Variants in MSRA observed in about 807,000 individuals in gnomAD.
The protein encoded by MSRA is methionine sulfoxide reductase A, also known as mitochondrial peptide methionine sulfoxide reductase.
In MSRA, 54 loss-of-function variants were observed where a neutral mutation model predicts 31.3. The ratio of observed to expected loss-of-function variants is 1.73; its 90% CI spans 1.39 to 2.17. MSRA has a LOEUF of 2.17. Ranked by LOEUF, MSRA falls within the 30% of genes most tolerant of loss-of-function variation. The pLI is 0.00. For synonymous variants in MSRA, 169 were observed against 116.5 expected, an observed-to-expected ratio of 1.45 and a Z score of -2.90; for missense variants, 507 against 300.9, an observed-to-expected ratio of 1.69 and a Z score of -5.07.
chr8:10,194,872 G>T (rs1241842497), intron 1 of MSRA, among the ~76,000 whole-genome samples: 1 of 152,192 alleles, frequency 6.6e-6, no homozygotes. Flanking sequence ...TGTTCACTGG[G>T]GGAGCAAAGA....
At chr8:10,067,874 GTTTTTTTTTTTTTTT>G (rs71203303) in intron 1 of MSRA, among the ~76,000 whole-genome samples, 3 of 49,368 alleles carry the variant, frequency 6.1e-5, no homozygotes, top group Non-Finnish European at 1.3e-4. Context: ...TTCTTACTGA[GTTTTTTTTTTTTTTT>G]TTTTTTTTTT....
chr8:10,204,603 G>C (rs893603795), intron 1 of MSRA, among the ~76,000 whole-genome samples: 2 of 152,176 alleles, frequency 1.3e-5, no homozygotes, highest in African/African-American at 4.8e-5. Flanking sequence ...GTGTGTAGTT[G>C]GCTCTACCAT....
At chr8:10,224,430 A>G (rs1296920474) in intron 2 of MSRA, among the ~76,000 whole-genome samples, 1 of 152,126 alleles carries the variant, frequency 6.6e-6, no homozygotes, top group Non-Finnish European at 1.5e-5. Context: ...AAACAACAGT[A>G]TTCTCCTTTT....
In MSRA at chr8:10,351,245, CTTTTTT is replaced by C. The variant is rs71203317; in HGVS notation, c.543+31279_543+31284del. The stretch of plus-strand genomic sequence containing the variant: ...ATGGTTGTTTTTGCTCTGAAGGAGA[CTTTTTT>C]TTTTTTTTTTTTTTTTTTTTTTAGA... On this transcript the variant is annotated intron_variant, in intron 5 of 5. Transcript: ENST00000317173. 1.1e-4 allele frequency among the ~76,000 whole-genome samples: 6 copies of C among 56,808 alleles called. No homozygotes were observed. The South Asian group carries it at 3.0e-3, about 28-fold the overall frequency. The allele number at this position is 56,808 out of a possible 152,430, so 37.3% of individuals were successfully genotyped here. A position where few individuals can be genotyped will look rare whatever the true frequency, so the allele number is the denominator to read the frequency against.
chr8:10,245,727 CATG>C (rs1424928239), intron 3 of MSRA, among the ~76,000 whole-genome samples: 1 of 152,202 alleles, frequency 6.6e-6, no homozygotes, highest in African/African-American at 2.4e-5. Flanking sequence ...AGCTAATTCA[CATG>C]GTGGTGGATG....
intron 1 of MSRA, among the ~76,000 whole-genome samples, chr8:10,113,253 C>CTGG (rs1312341958): frequency 8.1e-6 from 1 of 123,076 alleles, no homozygotes; most frequent in Non-Finnish European, 1.6e-5. Context: ...GGAGCCCTAC[C>CTGG]TGGGCTGGGG....
chr8:10,405,614 C>T (rs1807756710), intron 5 of MSRA, among the ~76,000 whole-genome samples: 2 of 152,200 alleles, frequency 1.3e-5, no homozygotes, highest in South Asian at 4.1e-4. Context: ...AGACCTTTAC[C>T]ACTGGATGCT....
intron 5 of MSRA, among the ~76,000 whole-genome samples, chr8:10,341,221 T>C (rs1585525521): frequency 6.6e-6 from 1 of 152,372 alleles, no homozygotes; most frequent in East Asian, 1.9e-4. Flanking sequence ...CTCATGATTC[T>C]GCAGGCTTTA....
At chr8:10,149,833 G>A (rs1455451028) in intron 1 of MSRA, among the ~76,000 whole-genome samples, 1 of 5,320 alleles carries the variant, frequency 1.9e-4, no homozygotes, top group African/African-American at 3.2e-4. Context: ...CACATGGGAC[G>A]GTATATTTGT....
At chr8:10,226,561 C>G (rs1043010893) in intron 2 of MSRA, among the ~76,000 whole-genome samples, 1 of 152,166 alleles carries the variant, frequency 6.6e-6, no homozygotes, top group Non-Finnish European at 1.5e-5. Flanking sequence ...GATCTCCTAC[C>G]CACTCTAGTA....
intron 2 of MSRA, among the ~76,000 whole-genome samples, chr8:10,222,210 A>G (rs1451328457): frequency 6.6e-6 from 1 of 152,170 alleles, no homozygotes; most frequent in Non-Finnish European, 1.5e-5. Context: ...TTTGAACGTA[A>G]CTACTTTTAA....
At chr8:10,119,404 A>G (rs1190365482) in intron 1 of MSRA, among the ~76,000 whole-genome samples, 4 of 152,170 alleles carry the variant, frequency 2.6e-5, no homozygotes, top group East Asian at 1.9e-4. Flanking sequence ...AACAGAGGAC[A>G]TGTGGACGTG....
intron 3 of MSRA, among the ~76,000 whole-genome samples, chr8:10,290,511 G>T (rs1800175347): frequency 1.3e-5 from 2 of 152,138 alleles, no homozygotes; most frequent in Admixed American, 6.5e-5. Context: ...CAAGTTCGTG[G>T]TTCCTTTCCC....
At chr8:10,102,793 G>A (rs1279888028) in intron 1 of MSRA, among the ~76,000 whole-genome samples, 1 of 152,194 alleles carries the variant, frequency 6.6e-6, no homozygotes, top group Non-Finnish European at 1.5e-5. Context: ...TGTGAGGTGG[G>A]GGAGTAGGAG....
chr8:10,213,807 T>G (rs1175680479), intron 2 of MSRA, among the ~76,000 whole-genome samples: 1 of 152,130 alleles, frequency 6.6e-6, no homozygotes, highest in Non-Finnish European at 1.5e-5. Context: ...AGAGGTCTCT[T>G]CGATACACTG....
At chr8:10,177,733 T>G (rs1389127767) in intron 1 of MSRA, among the ~76,000 whole-genome samples, 2 of 152,208 alleles carry the variant, frequency 1.3e-5, no homozygotes, top group Non-Finnish European at 2.9e-5. Context: ...GCAAGCTTTT[T>G]CTAGCAGCAG....
chr8:10,095,229 G>T (rs890614052), intron 1 of MSRA, among the ~76,000 whole-genome samples: 1 of 152,174 alleles, frequency 6.6e-6, no homozygotes, highest in Non-Finnish European at 1.5e-5. Flanking sequence ...ATTTATTGCA[G>T]GTTGTGCATA....
At chr8:10,346,941 A>G (rs1803817415) in intron 5 of MSRA, among the ~76,000 whole-genome samples, 1 of 152,116 alleles carries the variant, frequency 6.6e-6, no homozygotes, top group Non-Finnish European at 1.5e-5. Flanking sequence ...ACTAGTGTCC[A>G]TTTGTATCTT....
chr8:10,369,310 A>G (rs1805349056), intron 5 of MSRA, among the ~76,000 whole-genome samples: 1 of 151,932 alleles, frequency 6.6e-6, no homozygotes, highest in Non-Finnish European at 1.5e-5. Flanking sequence ...TAATCTATTC[A>G]TCCATTCTAG....
Sources: allele counts gnomAD v4.1 joint callset (sites outside exome capture counted in the v4.1 genomes callset), GRCh38; gene constraint gnomAD v4.1.1; transcripts MANE v1.5; gene names NCBI Gene and HGNC (gene_info 2026-07-23, HGNC 2026-07-21).